IGF2R: variants seen among roughly 807,000 people sequenced by gnomAD.
IGF2R encodes the protein cation-independent mannose-6-phosphate receptor.
A neutral mutation model predicts 270.6 loss-of-function variants in IGF2R; 91 were observed. That is an observed-to-expected ratio of 0.34 (90% CI 0.28 to 0.40). The LOEUF is 0.40. Among genes scored for constraint, IGF2R ranks in the 10% least tolerant of loss-of-function variants. IGF2R has a pLI of 1.00. For synonymous variants in IGF2R, 1,316 were observed against 1,258.9 expected, an observed-to-expected ratio of 1.05 and a Z score of -0.96; for missense variants, 2,805 against 3,188.3, an observed-to-expected ratio of 0.88 and a Z score of 2.90.
At chr6:159,976,178 G>C (rs971031366) in intron 1 of IGF2R, among the ~76,000 whole-genome samples, 1 of 151,946 alleles carries the variant, frequency 6.6e-6, no homozygotes, top group Non-Finnish European at 1.5e-5. Flanking sequence ...GTTTTTTCTA[G>C]TTTTATTTTC....
chr6:159,980,678 A>G (rs544480943), intron 1 of IGF2R, among the ~76,000 whole-genome samples: 1 of 152,202 alleles, frequency 6.6e-6, no homozygotes, highest in East Asian at 1.9e-4. Flanking sequence ...GACAGCCCGC[A>G]GGTTTTCTAG....
At chr6:159,980,922 G>A (rs371680009) in intron 1 of IGF2R, among the ~76,000 whole-genome samples, 2 of 152,218 alleles carry the variant, frequency 1.3e-5, no homozygotes, top group Non-Finnish European at 2.9e-5. Flanking sequence ...GTATGAGACC[G>A]CCCAGGTAAT....
rs775034193 is a variant in IGF2R at position 160,040,615 on chromosome 6, C to T, written c.1371C>T (p.Phe457=). The change falls in exon 11 of 48, where the codon TTC becomes TTT. Residue 457 remains phenylalanine, a synonymous_variant. Transcript: ENST00000356956. The part of the protein sequence containing the change: ...VFTGEVDCTY[F]FTWDTEYACV... The stretch of plus-strand genomic sequence containing the variant: ...CAGGGGAGGTTGACTGCACCTACTT[C>T]TTCACATGGGACACGGAATACGCCT... The T allele has an allele frequency of 6.2e-7, 1 of 1,614,124 alleles. No homozygotes were observed. The highest frequency in any genetic ancestry group is 2.2e-5 in the East Asian group (1 of 44,882).
intron 45 of IGF2R, among the ~76,000 whole-genome samples, chr6:160,097,056 CACTTTGATTTGAGTGCAGTATTTTT>C (rs898029544): frequency 1.3e-5 from 2 of 152,214 alleles, no homozygotes; most frequent in Admixed American, 6.5e-5. Context: ...GGTAAAGTTT[CACTTTGATTTGAGTGCAGTATTTTT>C]ACTTTGATTT....
At chr6:160,051,578 A>G (rs1370149692) in intron 19 of IGF2R, among the ~76,000 whole-genome samples, 2 of 152,194 alleles carry the variant, frequency 1.3e-5, no homozygotes, top group Non-Finnish European at 2.9e-5. Context: ...CACAAAGACC[A>G]CAGATAGGAA....
intron 19 of IGF2R, among the ~76,000 whole-genome samples, chr6:160,052,341 A>G (rs1353928422): frequency 1.3e-5 from 2 of 152,242 alleles, no homozygotes; most frequent in African/African-American, 4.8e-5. Flanking sequence ...CAATTGCTAC[A>G]GAGAGAATAA....
At position 160,063,554 on chromosome 6, in the gene IGF2R, C is replaced by T. The variant is rs1417434013; in HGVS notation, c.3810C>T (p.Cys1270=). 6.2e-7 allele frequency: 1 copy of T among 1,614,186 alleles called. No individual in the cohort carries two copies. The highest frequency in any genetic ancestry group is 8.5e-7 in the Non-Finnish European group (1 of 1,180,018). ...GTGGGAAGCTTTCCTCAGACGTCTG[C>T]CCCACAAGTGACAAGTCCAAGGTGG... ...RVCGKLSSDV[C]PTSDKSKVVS... is the part of the protein sequence containing the mutation. The change falls in exon 27 of 48, where the codon TGC becomes TGT. Residue 1270 remains cysteine (C), a synonymous_variant. Transcript: ENST00000356956.
intron 25 of IGF2R, among the ~76,000 whole-genome samples, 193 bp downstream of exon 25, chr6:160,062,121 A>C (rs141408509): frequency 4.7e-4 from 71 of 151,856 alleles, no homozygotes; most frequent in African/African-American, 1.7e-3. Context: ...CGTAGTTTGC[A>C]CATGGAGGTC....
At chr6:160,078,921 G>A (rs933417597) in intron 37 of IGF2R, among the ~76,000 whole-genome samples, 1 of 152,174 alleles carries the variant, frequency 6.6e-6, no homozygotes, top group Admixed American at 6.5e-5. Flanking sequence ...CTGATGTGGT[G>A]TCGTGGTCAC....
At position 159,998,076 on chromosome 6, in the gene IGF2R, T is replaced by C. The variant is rs1315327147; in HGVS notation, c.289+6753T>C. Among the ~76,000 whole-genome samples, 5 of 152,198 alleles carry C rather than the reference T, an allele frequency of 3.3e-5. No homozygotes were observed. Among genetic ancestry groups the C allele is most frequent in the African/African-American group, 1.2e-4 (5 of 41,454 alleles). On this transcript the variant is annotated intron_variant, in intron 2 of 47. Transcript: ENST00000356956. This position sits in a 1 kb window ranked among gnomAD's most constrained non-coding sequence, Gnocchi z 4.1. ...GGGTCTGACATTATCCTTGGTGATA[T>C]ACTTAGGAAACTTACAGGTGAGATG...
chr6:160,102,688 G>T lies in IGF2R; in HGVS notation c.6995+17G>T, dbSNP rs1216047330. 1 of 1,574,956 alleles carries T rather than the reference G, an allele frequency of 6.3e-7. No homozygotes were observed. Among genetic ancestry groups the T allele is most frequent in the Non-Finnish European group, 8.6e-7 (1 of 1,156,590 alleles). On this transcript the variant is annotated intron_variant, in intron 46 of 47. Transcript: ENST00000356956. The surrounding 1 kb of genome is among the most constrained non-coding windows in gnomAD (Gnocchi z 4.5). Reference sequence around the variant, plus strand: ...GGAGAGGAGGTAAGCGGGTGGCAGGGCGAGGTGGGGCGGGTGGATGCATGC... The same window carrying T: ...GGAGAGGAGGTAAGCGGGTGGCAGGTCGAGGTGGGGCGGGTGGATGCATGC...
At position 160,110,641 on chromosome 6, in the gene IGF2R, T is replaced by A. The variant is rs139296621; in HGVS notation, c.*5557T>A. On this transcript the variant is annotated 3_prime_UTR_variant, in exon 48 of 48. Coordinates refer to ENST00000356956, the MANE Select transcript of IGF2R (RefSeq NM_000876.4). ...CTGTTCATTGCAGCATTATTCACAA[T>A]AGCCAAGATAGGGAAAAAGCCTCAG... 1.3e-5 allele frequency: 2 copies of A among 152,282 alleles called. No individual in the cohort carries two copies. Among genetic ancestry groups the A allele is most frequent in the Non-Finnish European group, 2.9e-5 (2 of 68,042 alleles). The allele number at this position is 152,282 out of a possible 1,614,324, so 9.4% of individuals were successfully genotyped here. A position where few individuals can be genotyped will look rare whatever the true frequency, so the allele number is the denominator to read the frequency against.
chr6:160,016,836 C>CA (rs1293042140), intron 4 of IGF2R, among the ~76,000 whole-genome samples: 1 of 152,224 alleles, frequency 6.6e-6, no homozygotes, highest in African/African-American at 2.4e-5. Context: ...ATGCAACATA[C>CA]ATTATAGTCA....
rs1867349 is a variant in IGF2R at position 160,093,529 on chromosome 6, A to G, written c.6656-2910A>G. 1,050 of 606,150 alleles carry G rather than the reference A, an allele frequency of 1.7e-3. 10 individuals are homozygous for G. In the African/African-American group the frequency reaches 0.018, roughly 10 times the overall value. 37.5% of individuals were successfully genotyped at this position (606,150 alleles called of 1,614,324 possible). A position where few individuals can be genotyped will look rare whatever the true frequency, so the allele number is the denominator to read the frequency against. ...ACACGTCTGTACAGCCGGTTCAGCA[A>G]CCTGGACAAAGGAGAGAACAGGACG... is the stretch of plus-strand genomic sequence containing the variant. On this transcript the variant is annotated intron_variant, in intron 44 of 47. Transcript: ENST00000356956.
intron 1 of IGF2R, among the ~76,000 whole-genome samples, chr6:159,988,140 A>T (rs1783916692): frequency 6.6e-6 from 1 of 152,088 alleles, no homozygotes; most frequent in Admixed American, 6.5e-5. Context: ...TCTTTTTTAA[A>T]TCTTGATTCT....
intron 42 of IGF2R, 97 bp from the exon 43 acceptor site, chr6:160,089,010 T>G (rs1268308353): frequency 6.9e-4 from 859 of 1,236,286 alleles, no homozygotes; most frequent in Non-Finnish European, 8.7e-4. Context: ...TGAAAGCCAG[T>G]GAGCTGCTTC....
intron 4 of IGF2R, among the ~76,000 whole-genome samples, chr6:160,022,358 A>G (rs9456496): frequency 0.084 from 12,750 of 152,268 alleles, 607 homozygotes; most frequent in Non-Finnish European, 0.11. Flanking sequence ...TGCAATATCC[A>G]TGTAATACAA....
Position 159,969,322 on chromosome 6 carries a change from C to G in IGF2R, c.76C>G (p.Leu26Val). Residue 26 changes from leucine to valine, a missense_variant, in exon 1 of 48, where the codon CTG becomes GTG. By Grantham distance (32) the Leu-to-Val change is conservative. Transcript: ENST00000356956. Reference sequence around the variant, plus strand: ...CCGCCCGCAGCGCTCTCTGCTCCTGCTGCAGCTGCTGCTGCTCGTCGCTGC... The same window carrying G: ...CCGCCCGCAGCGCTCTCTGCTCCTGGTGCAGCTGCTGCTGCTCGTCGCTGC... Reference protein sequence around the residue: ...ARRPQRSLLLLQLLLLVAAPG... With the variant: ...ARRPQRSLLLVQLLLLVAAPG... 1 of 1,301,388 alleles carries G rather than the reference C, an allele frequency of 7.7e-7. No individual in the cohort carries two copies. Among genetic ancestry groups the G allele is most frequent in the Non-Finnish European group, 9.8e-7 (1 of 1,021,006 alleles). 80.6% of individuals were successfully genotyped at this position (1,301,388 alleles called of 1,614,324 possible). A position where few individuals can be genotyped will look rare whatever the true frequency, so the allele number is the denominator to read the frequency against.
Position 160,047,839 on chromosome 6 carries a change from C to T in IGF2R, c.2277C>T (p.Ala759=). The part of the protein sequence containing the change: ...TYNFRWYTSY[A]CPEEPLECVV... ...ACTTCCGGTGGTACACCAGCTATGC[C>T]TGCCCGGAGGAGCCCCTGGAATGCG... Residue 759 remains alanine (A), a synonymous_variant, in exon 17 of 48, where the codon GCC becomes GCT. Transcript: ENST00000356956. 2 of 1,614,166 alleles carry T rather than the reference C, an allele frequency of 1.2e-6. No homozygotes were observed. The highest frequency in any genetic ancestry group is 1.7e-6 in the Non-Finnish European group (2 of 1,179,962).
Sources: gnomAD v4.1 joint callset for allele counts (sites outside exome capture counted in the v4.1 genomes callset) on GRCh38, gnomAD v4.1.1 for gene constraint, Gnocchi (gnomAD v3.1) non-coding constraint, MANE v1.5 for transcripts, NCBI Gene and HGNC (gene_info 2026-07-23, HGNC 2026-07-21) for gene names.